Variants in RP1 observed in about 807,000 individuals in gnomAD.
RP1 encodes the protein oxygen-regulated protein 1.
RP1 carries 16 observed loss-of-function variants against 14.8 expected under a neutral mutation model. The ratio of observed to expected loss-of-function variants is 1.08; its 90% CI spans 0.73 to 1.65. The LOEUF (loss-of-function observed/expected upper bound fraction) is 1.65, where lower values mean the gene tolerates loss of function less well. Ranked by LOEUF, RP1 falls within the 40% of genes most tolerant of loss-of-function variation. The pLI is 0.00. For missense variants in RP1, 2,631 were observed against 2,535.0 expected (o/e 1.04, Z -0.81); for synonymous variants, 876 against 883.6 (o/e 0.99, Z 0.15).
At chr8:54,610,427 T>G (rs1057207540) in intron 1 of RP1, among the ~76,000 whole-genome samples, 13 of 152,312 alleles carry the variant, frequency 8.5e-5, no homozygotes, top group African/African-American at 2.9e-4. Flanking sequence ...TTCTTCCAAG[T>G]TTTAAGCACC....
chr8:54,808,542 C>T (rs367826211), intron 24 of RP1, among the ~76,000 whole-genome samples: 4 of 152,152 alleles, frequency 2.6e-5, no homozygotes, highest in South Asian at 2.1e-4. Flanking sequence ...GAACTCTTAG[C>T]CTATTTTATG....
At chr8:54,834,917 T>C (rs981153199) in intron 24 of RP1, among the ~76,000 whole-genome samples, 7 of 152,150 alleles carry the variant, frequency 4.6e-5, no homozygotes, top group Non-Finnish European at 8.8e-5. Flanking sequence ...CTAATTGGTG[T>C]TCCAATGTTT....
At chr8:54,713,621 G>A (rs1808340141) in intron 15 of RP1, among the ~76,000 whole-genome samples, 1 of 152,172 alleles carries the variant, frequency 6.6e-6, no homozygotes. Flanking sequence ...AAAATTAAAG[G>A]TAATTCATAT....
chr8:54,817,059 C>T (rs922571000), intron 24 of RP1, among the ~76,000 whole-genome samples: 3 of 152,048 alleles, frequency 2.0e-5, no homozygotes, highest in Admixed American at 6.6e-5. Context: ...AGAATGACCA[C>T]CCATTCAGTC....
In RP1 at chr8:54,627,940, C is replaced by A; in HGVS notation, c.4058C>A (p.Thr1353Asn). 1 of 1,614,020 alleles carries A rather than the reference C, an allele frequency of 6.2e-7. No homozygotes were observed. Among genetic ancestry groups the A allele is most frequent in the South Asian group, 1.1e-5 (1 of 91,074 alleles). The change falls in exon 4 of 4, where the codon ACT (threonine) becomes AAT (asparagine). Residue 1353 changes from threonine to asparagine, a missense_variant. By Grantham distance (65) the Thr-to-Asn change is moderately conservative. Coordinates refer to ENST00000220676, the MANE Select transcript of RP1 (RefSeq NM_006269.2). The stretch of plus-strand genomic sequence containing the variant: ...TTAAACTCCAAAGAAAACACATATA[C>A]TGATAACTTGGATTCAACTGAAGAG... ...DFLNSKENTY[T>N]DNLDSTEELE...
chr8:54,819,697 AG>A (rs1811211452), intron 24 of RP1, among the ~76,000 whole-genome samples: 1 of 152,170 alleles, frequency 6.6e-6, no homozygotes, highest in African/African-American at 2.4e-5. Flanking sequence ...GGGCACCATA[AG>A]CCCAGCAATG....
At chr8:54,801,100 A>G (rs543595118) in intron 24 of RP1, among the ~76,000 whole-genome samples, 2 of 152,316 alleles carry the variant, frequency 1.3e-5, no homozygotes, top group African/African-American at 4.8e-5. Context: ...CCTTCAGTGT[A>G]ACTTCACGTT....
chr8:54,770,252 A>T (rs1426450943), downstream of RP1: 1 of 398,568 alleles, frequency 2.5e-6, no homozygotes, highest in African/African-American at 2.1e-5. Flanking sequence ...CACATTTTTT[A>T]TAGTACATTC....
chr8:54,785,937 T>C (rs752615388), intron 24 of RP1, among the ~76,000 whole-genome samples: 1 of 152,116 alleles, frequency 6.6e-6, no homozygotes, highest in Non-Finnish European at 1.5e-5. Context: ...CATTTGTCTT[T>C]TTATTAATGA....
chr8:54,646,838 T>C (rs775234548), intron 3 of RP1, among the ~76,000 whole-genome samples: 11 of 152,198 alleles, frequency 7.2e-5, no homozygotes, highest in Non-Finnish European at 1.6e-4. Flanking sequence ...TGAACTCTTT[T>C]GCTGCATTTC....
At chr8:54,856,356 T>A (rs775637103) in intron 26 of RP1, among the ~76,000 whole-genome samples, 1 of 152,224 alleles carries the variant, frequency 6.6e-6, no homozygotes, top group African/African-American at 2.4e-5. Context: ...CTTACATGGA[T>A]GTGTTTGTTG....
intron 13 of RP1, among the ~76,000 whole-genome samples, chr8:54,699,970 A>T (rs1226273886): frequency 1.3e-5 from 2 of 152,184 alleles, no homozygotes; most frequent in Non-Finnish European, 2.9e-5. Context: ...AAAATAATAC[A>T]TTGTACGATA....
At chr8:54,785,359 T>C (rs1810293238) in intron 24 of RP1, among the ~76,000 whole-genome samples, 1 of 149,784 alleles carries the variant, frequency 6.7e-6, no homozygotes. Context: ...TTATTCTTTT[T>C]TATGGTTAAA....
At chr8:54,788,250 G>T (rs183611441) in intron 24 of RP1, among the ~76,000 whole-genome samples, 65 of 152,286 alleles carry the variant, frequency 4.3e-4, no homozygotes, top group African/African-American at 1.4e-3. Context: ...AGACTAGGTT[G>T]GCTGAGCTAG....
intron 1 of RP1, among the ~76,000 whole-genome samples, chr8:54,617,211 C>T (rs2129312512): frequency 6.6e-6 from 1 of 152,284 alleles, no homozygotes; most frequent in East Asian, 1.9e-4. Context: ...CTACAGTTAC[C>T]TCTTTCCACC....
At chr8:54,779,792 C>G (rs1018625770) in intron 23 of RP1, among the ~76,000 whole-genome samples, 19 of 152,074 alleles carry the variant, frequency 1.2e-4, no homozygotes, top group Non-Finnish European at 1.9e-4. Flanking sequence ...AGTCAAATCC[C>G]CTTGCATACA....
chr8:54,784,509 A>G (rs1810270701), intron 24 of RP1, among the ~76,000 whole-genome samples: 1 of 152,156 alleles, frequency 6.6e-6, no homozygotes, highest in Non-Finnish European at 1.5e-5. Context: ...ATTATAAATA[A>G]TGCTGCAATG....
At chr8:54,679,455 T>A in exon 10 of RP1, 3 of 1,535,996 alleles carry the variant, frequency 2.0e-6, no homozygotes, top group Non-Finnish European at 2.6e-6. Flanking sequence ...TGTAAAATTG[T>A]CAGAGAACTG....
intron 24 of RP1, among the ~76,000 whole-genome samples, chr8:54,832,458 T>A (rs980161025): frequency 6.6e-6 from 1 of 151,802 alleles, no homozygotes; most frequent in South Asian, 2.1e-4. Flanking sequence ...GATCTAGGAT[T>A]TTCACTTTTT....
Sources: gnomAD v4.1 joint callset for allele counts (sites outside exome capture counted in the v4.1 genomes callset) on GRCh38, gnomAD v4.1.1 for gene constraint, MANE v1.5 for transcripts, NCBI Gene and HGNC (gene_info 2026-07-23, HGNC 2026-07-21) for gene names.